SYT1: variants seen among roughly 807,000 people sequenced by gnomAD.
The protein encoded by SYT1 is synaptotagmin 1.
In SYT1, 8 loss-of-function variants were observed where a neutral mutation model predicts 44.8. That is an observed-to-expected ratio of 0.18 (90% CI 0.10 to 0.32). The LOEUF (loss-of-function observed/expected upper bound fraction) is 0.32. Ranked by LOEUF, SYT1 falls within the 10% of genes least tolerant of loss-of-function variation. The probability of loss-of-function intolerance (pLI) is 1.00; values close to 1 mark genes in which losing one functional copy is unlikely to be tolerated. For synonymous variants in SYT1, 154 were observed against 188.8 expected (o/e 0.82, Z 1.51); for missense variants, 286 against 509.3 (o/e 0.56, Z 4.22).
At chr12:79,294,710 G>A (rs1040473522) in intron 6 of SYT1, among the ~76,000 whole-genome samples, 14 of 151,956 alleles carry the variant, frequency 9.2e-5, no homozygotes, top group Admixed American at 9.2e-4. Flanking sequence ...TTACTTATTC[G>A]CATTACTACA....
intron 1 of SYT1, among the ~76,000 whole-genome samples, chr12:78,905,738 A>T (rs917976061): frequency 8.5e-5 from 13 of 152,186 alleles, no homozygotes; most frequent in African/African-American, 2.9e-4. Context: ...AAGGGAAATG[A>T]CCTAGGAAAA....
At chr12:79,029,319 T>C (rs1872704480) in intron 2 of SYT1, among the ~76,000 whole-genome samples, 1 of 150,376 alleles carries the variant, frequency 6.6e-6, no homozygotes. Context: ...TCTTTTTTAA[T>C]TCACACACTG....
chr12:78,913,615 G>C lies in SYT1; in HGVS notation c.-217+48506G>C, dbSNP rs569308596. Among the ~76,000 whole-genome samples the C allele has an allele frequency of 5.9e-5, 9 of 151,892 alleles. No homozygotes were observed. In the South Asian group the frequency reaches 1.9e-3, roughly 32 times the overall value. On this transcript the variant is annotated intron_variant, in intron 1 of 10. Coordinates refer to ENST00000261205, the MANE Select transcript of SYT1 (RefSeq NM_005639.3). ...CTCATTCATTCTTTACTCTGAATAAGTATTTAAGTAGCTTTTTCCAGTATG... is the reference window on the plus strand; with the variant it reads ...CTCATTCATTCTTTACTCTGAATAACTATTTAAGTAGCTTTTTCCAGTATG...
intron 9 of SYT1, among the ~76,000 whole-genome samples, chr12:79,431,968 T>A (rs537928580): frequency 1.3e-5 from 2 of 152,332 alleles, no homozygotes; most frequent in South Asian, 4.1e-4. Context: ...TGATGTGCAG[T>A]ATGCAAACTG....
intron 4 of SYT1, among the ~76,000 whole-genome samples, chr12:79,285,536 GGAGAGTC>G (rs1372242952): frequency 6.6e-6 from 1 of 152,230 alleles, no homozygotes. Flanking sequence ...AATCTAGCTT[GGAGAGTC>G]AAGAAAAGTA....
At chr12:79,404,720 T>C (rs1024577591) in intron 9 of SYT1, among the ~76,000 whole-genome samples, 16 of 152,224 alleles carry the variant, frequency 1.1e-4, no homozygotes, top group Non-Finnish European at 1.5e-5. Context: ...CAACGAGAGC[T>C]AACACTCATA....
intron 2 of SYT1, among the ~76,000 whole-genome samples, chr12:79,022,557 G>T (rs555912099): frequency 6.6e-6 from 1 of 151,748 alleles, no homozygotes; most frequent in African/African-American, 2.4e-5. Context: ...AATAAGATTT[G>T]CAGATACAAA....
chr12:79,366,496 G>A (rs1883548542), intron 9 of SYT1, among the ~76,000 whole-genome samples: 1 of 152,208 alleles, frequency 6.6e-6, no homozygotes, highest in Non-Finnish European at 1.5e-5. Flanking sequence ...TTACTACAAG[G>A]CAAAGCCTAA....
chr12:79,309,665 C>T (rs575509197), intron 8 of SYT1, among the ~76,000 whole-genome samples: 2 of 152,110 alleles, frequency 1.3e-5, no homozygotes, highest in African/African-American at 2.4e-5. Context: ...TTCTAGGCTC[C>T]GATAATCACT....
At chr12:79,329,697 A>G (rs886421303) in intron 8 of SYT1, among the ~76,000 whole-genome samples, 1 of 152,182 alleles carries the variant, frequency 6.6e-6, no homozygotes, top group African/African-American at 2.4e-5. Flanking sequence ...TCACCTATCT[A>G]GTAAGTGGCA....
At chr12:79,407,402 C>A (rs1378713171) in intron 9 of SYT1, among the ~76,000 whole-genome samples, 2 of 152,022 alleles carry the variant, frequency 1.3e-5, no homozygotes, top group African/African-American at 2.4e-5. Flanking sequence ...ATGACAGTAC[C>A]ACCATGCCTT....
At chr12:79,038,224 T>A (rs1476744276) in intron 2 of SYT1, among the ~76,000 whole-genome samples, 1 of 151,058 alleles carries the variant, frequency 6.6e-6, no homozygotes, top group Non-Finnish European at 1.5e-5. Context: ...CATATATATA[T>A]ACACACATAC....
chr12:78,947,733 T>C (rs1878741943), intron 1 of SYT1, among the ~76,000 whole-genome samples: 1 of 151,932 alleles, frequency 6.6e-6, no homozygotes. Context: ...TTATTCTTTA[T>C]ATAACTATTT....
intron 3 of SYT1, among the ~76,000 whole-genome samples, chr12:79,057,831 C>T (rs916491269): frequency 7.9e-5 from 12 of 151,904 alleles, no homozygotes; most frequent in Admixed American, 2.0e-4. Flanking sequence ...AAAATTATGG[C>T]TTCAGGCTGC....
At chr12:79,349,049 G>GAAAGAAAGAGAAAGAA (rs1565919980) in intron 8 of SYT1, among the ~76,000 whole-genome samples, 23 of 123,860 alleles carry the variant, frequency 1.9e-4, no homozygotes, top group African/African-American at 6.9e-4. Context: ...AAGAAAGAAA[G>GAAAGAAAGAGAAAGAA]AAAGAAAGGA....
At chr12:79,166,686 T>C (rs1871240832) in intron 3 of SYT1, among the ~76,000 whole-genome samples, 1 of 151,944 alleles carries the variant, frequency 6.6e-6, no homozygotes. Flanking sequence ...AAAATAGGTA[T>C]AAAAATACCT....
chr12:79,321,753 A>C (rs73352949), intron 8 of SYT1, among the ~76,000 whole-genome samples: 9 of 152,338 alleles, frequency 5.9e-5, no homozygotes, highest in African/African-American at 2.2e-4. Context: ...AACTCAGTAC[A>C]CAAGGACAAG....
chr12:79,098,760 C>G (rs146518813), intron 3 of SYT1, among the ~76,000 whole-genome samples: 1 of 152,046 alleles, frequency 6.6e-6, no homozygotes, highest in African/African-American at 2.4e-5. Flanking sequence ...CCTATCAGGA[C>G]CTTTGAGGAA....
intron 8 of SYT1, among the ~76,000 whole-genome samples, chr12:79,302,557 G>A (rs1330101424): frequency 6.6e-6 from 1 of 152,090 alleles, no homozygotes; most frequent in African/African-American, 2.4e-5. Context: ...AAGTGACTAG[G>A]CCCATGTTTA....
Sources: allele counts gnomAD v4.1 joint callset (sites outside exome capture counted in the v4.1 genomes callset), GRCh38; gene constraint gnomAD v4.1.1; transcripts MANE v1.5; gene names NCBI Gene and HGNC (gene_info 2026-07-23, HGNC 2026-07-21).